INHBB: variants seen among roughly 807,000 people sequenced by gnomAD.
The protein encoded by INHBB is inhibin beta B chain.
Under a neutral mutation model 28.9 loss-of-function variants are expected in INHBB, and 8 were observed. That is an observed-to-expected ratio of 0.28 (90% CI 0.16 to 0.50). The LOEUF (loss-of-function observed/expected upper bound fraction) is 0.50, where lower values mean the gene tolerates loss of function less well. INHBB is among the 20% of genes least tolerant of loss of function. The probability of loss-of-function intolerance (pLI) is 0.98; values close to 1 mark genes in which losing one functional copy is unlikely to be tolerated. For synonymous variants in INHBB, 293 were observed against 262.7 expected (o/e 1.12, Z -1.12); for missense variants, 499 against 597.8 (o/e 0.83, Z 1.72).
rs946997554 is a variant in INHBB, at chr2:120,350,740, A to C, written c.*866A>C. 6.6e-6 allele frequency: 1 copy of C among 152,272 alleles called. No individual in the cohort carries two copies. The highest frequency in any genetic ancestry group is 2.4e-5 in the African/African-American group (1 of 41,468). The allele number at this position is 152,272 out of a possible 1,614,324, so 9.4% of individuals were successfully genotyped here. On this transcript the variant is annotated 3_prime_UTR_variant, in exon 2 of 2. Transcript: ENST00000295228. ...CTTTTCTACCAGGTATGACCTTTTA[A>C]GTGAAAATCTGAATTGTTCTAAATG...
chr2:120,346,562 A>C lies in INHBB; in HGVS notation c.374A>C (p.His125Pro). The change falls in exon 1 of 2, where the codon CAC becomes CCC. Residue 125 changes from histidine to proline, a missense_variant. By Grantham distance (77) the His-to-Pro change is moderately conservative (BLOSUM62 -2). Coordinates refer to ENST00000295228, the MANE Select transcript of INHBB (RefSeq NM_002193.4). ...VREDGRVEIP[H>P]LDGHASPGAD... ...GAGGACGGCCGCGTGGAGATCCCGC[A>C]CCTCGACGGCCACGCCAGCCCGGGC... The C allele has an allele frequency of 6.7e-7, 1 of 1,495,048 alleles. No homozygotes were observed. The highest frequency in any genetic ancestry group is 8.9e-7 in the Non-Finnish European group (1 of 1,129,202). 92.6% of individuals were successfully genotyped at this position (1,495,048 alleles called of 1,614,324 possible).
rs1320228623 is a variant in INHBB at position 120,350,552 on chromosome 2, A to G, written c.*678A>G. ...CGTCAGAGACCTGGGAGCAGGGGCA[A>G]TGACCGTTTGACTGTTTGTGGCTTG... is the stretch of plus-strand genomic sequence containing the variant. On this transcript the variant is annotated 3_prime_UTR_variant, in exon 2 of 2. Transcript: ENST00000295228. 7.0e-6 allele frequency: 1 copy of G among 142,732 alleles called. No homozygotes were observed. Among genetic ancestry groups the G allele is most frequent in the African/African-American group, 2.5e-5 (1 of 39,408 alleles). The allele number at this position is 142,732 out of a possible 1,614,324, so 8.8% of individuals were successfully genotyped here.
Position 120,346,567 on chromosome 2 carries a change from G to A in INHBB, c.379G>A (p.Asp127Asn). The A allele has an allele frequency of 2.0e-6, 3 of 1,489,640 alleles. No homozygotes were observed. The highest frequency in any genetic ancestry group is 2.7e-6 in the Non-Finnish European group (3 of 1,126,614). 92.3% of individuals were successfully genotyped at this position (1,489,640 alleles called of 1,614,324 possible). Residue 127 changes from aspartate (D) to asparagine (N), a missense_variant, in exon 1 of 2, where the codon GAC (aspartate) becomes AAC (asparagine). Physicochemically the swap from Asp to Asn is conservative, Grantham distance 23 (BLOSUM62 1). Coordinates refer to ENST00000295228, the MANE Select transcript of INHBB (RefSeq NM_002193.4). Reference protein sequence around the residue: ...EDGRVEIPHLDGHASPGADGQ... With the variant: ...EDGRVEIPHLNGHASPGADGQ... Reference sequence around the variant, plus strand: ...CGGCCGCGTGGAGATCCCGCACCTCGACGGCCACGCCAGCCCGGGCGCCGA... The same window carrying A: ...CGGCCGCGTGGAGATCCCGCACCTCAACGGCCACGCCAGCCCGGGCGCCGA...
chr2:120,346,234 C>T lies in INHBB; in HGVS notation c.46C>T (p.Leu16=). 4 of 1,223,610 alleles carry T rather than the reference C, an allele frequency of 3.3e-6. No homozygotes were observed. The highest frequency in any genetic ancestry group is 4.1e-6 in the Non-Finnish European group (4 of 982,694). 75.8% of individuals were successfully genotyped at this position (1,223,610 alleles called of 1,614,324 possible). A position where few individuals can be genotyped will look rare whatever the true frequency, so the allele number is the denominator to read the frequency against. Reference sequence around the variant, plus strand: ...GGCGCTGGGGGCCGCCTGCCTTCTGCTGCTGGCGGCCGGCTGGCTGGGGCC... The same window carrying T: ...GGCGCTGGGGGCCGCCTGCCTTCTGTTGCTGGCGGCCGGCTGGCTGGGGCC... The part of the protein sequence containing the change: ...GRALGAACLL[L]LAAGWLGPEA... Residue 16 remains leucine, a synonymous_variant, in exon 1 of 2, where the codon CTG becomes TTG. Coordinates refer to ENST00000295228, the MANE Select transcript of INHBB (RefSeq NM_002193.4).
rs1691234195 is a variant in INHBB at position 120,350,123 on chromosome 2, C to T, written c.*249C>T. The T allele has an allele frequency of 8.0e-6, 4 of 497,328 alleles. No individual in the cohort carries two copies. Among genetic ancestry groups the T allele is most frequent in the Admixed American group, 3.7e-5 (1 of 27,022 alleles). The allele number at this position is 497,328 out of a possible 1,614,324, so 30.8% of individuals were successfully genotyped here. ...GCACACGTAGCCACGCACAGCCAGACGCATCCTGCCACCCACACAGCAGCC... is the reference window on the plus strand; with the variant it reads ...GCACACGTAGCCACGCACAGCCAGATGCATCCTGCCACCCACACAGCAGCC... On this transcript the variant is annotated 3_prime_UTR_variant, in exon 2 of 2. Coordinates refer to ENST00000295228, the MANE Select transcript of INHBB (RefSeq NM_002193.4).
chr2:120,349,166 T>A lies in INHBB; in HGVS notation c.516T>A (p.Phe172Leu), dbSNP rs764607634. 1 of 1,614,080 alleles carries A rather than the reference T, an allele frequency of 6.2e-7. No homozygotes were observed. The highest frequency in any genetic ancestry group is 1.1e-5 in the South Asian group (1 of 91,080). The stretch of plus-strand genomic sequence containing the variant: ...CCAACGAAGGCAACCAGAACCTGTT[T>A]GTGGTCCAGGCCAGCCTGTGGCTTT... Reference protein sequence around the residue: ...FISNEGNQNLFVVQASLWLYL... With the variant: ...FISNEGNQNLLVVQASLWLYL... The change falls in exon 2 of 2, where the codon TTT becomes TTA. Residue 172 changes from phenylalanine (F) to leucine (L), a missense_variant. Physicochemically the swap from Phe to Leu is conservative, Grantham distance 22 (BLOSUM62 0). Transcript: ENST00000295228. The surrounding 1 kb of genome is among the most constrained non-coding windows in gnomAD (Gnocchi z 5.6).
rs1691215181 is a variant in INHBB at position 120,349,244 on chromosome 2, G to A, written c.594G>A (p.Arg198=). The A allele has an allele frequency of 3.7e-6, 6 of 1,614,188 alleles. No homozygotes were observed. Among genetic ancestry groups the A allele is most frequent in the Non-Finnish European group, 5.1e-6 (6 of 1,180,048 alleles). The change falls in exon 2 of 2, where the codon CGG becomes CGA. Residue 198 remains arginine, a synonymous_variant. Transcript: ENST00000295228. This position sits in a 1 kb window ranked among gnomAD's most constrained non-coding sequence, Gnocchi z 5.6. The stretch of plus-strand genomic sequence containing the variant: ...AGAAGGGCAGCCGGCGGAAGGTGCG[G>A]GTCAAAGTGTACTTCCAGGAGCAGG... ...VLEKGSRRKV[R]VKVYFQEQGH...
chr2:120,347,394 C>G (rs1691176517), intron 1 of INHBB, among the ~76,000 whole-genome samples: 1 of 136,306 alleles, frequency 7.3e-6, no homozygotes, highest in Admixed American at 7.0e-5. Flanking sequence ...TTCTGGAATC[C>G]GCCCCCCCCC....
In INHBB at chr2:120,346,394, G is replaced by C. The variant is rs1450521842; in HGVS notation, c.206G>C (p.Arg69Pro). The change falls in exon 1 of 2, where the codon CGA (arginine) becomes CCA (proline). Residue 69 changes from arginine to proline, a missense_variant. Transcript: ENST00000295228. ...TTCCGGCGGCCAGAGGAGCTCGGCC[G>C]AGTGGACGGCGACTTCCTGGAGGCG... ...GGFRRPEELG[R>P]VDGDFLEAVK... 7 of 1,534,948 alleles carry C rather than the reference G, an allele frequency of 4.6e-6. No individual in the cohort carries two copies. Among genetic ancestry groups the C allele is most frequent in the Middle Eastern group, 2.1e-4 (1 of 4,844 alleles).
rs771745088 is a variant in INHBB at position 120,349,049 on chromosome 2, C to A, written c.449-50C>A. 1 of 1,545,388 alleles carries A rather than the reference C, an allele frequency of 6.5e-7. No homozygotes were observed. The highest frequency in any genetic ancestry group is 2.3e-5 in the East Asian group (1 of 44,220). On this transcript the variant is annotated intron_variant, in intron 1 of 1. Coordinates refer to ENST00000295228, the MANE Select transcript of INHBB (RefSeq NM_002193.4). This position sits in a 1 kb window ranked among gnomAD's most constrained non-coding sequence, Gnocchi z 5.6. ...AGCAGAGAGTGTGTTTCCCCCATTG[C>A]CTTGTGTTCTCCTTGAATTAACTTG... is the stretch of plus-strand genomic sequence containing the variant.
chr2:120,347,150 G>A (rs886639323), intron 1 of INHBB, among the ~76,000 whole-genome samples: 1 of 152,174 alleles, frequency 6.6e-6, no homozygotes, highest in Admixed American at 6.5e-5. Context: ...TTCCATCACC[G>A]GCGGCGTGGG....
rs1691211813 is a variant in INHBB at position 120,349,108 on chromosome 2, C to T, written c.458C>T (p.Ala153Val). The change falls in exon 2 of 2, where the codon GCC becomes GTC. Residue 153 changes from alanine to valine, a missense_variant. By Grantham distance (64) the Ala-to-Val change is moderately conservative. This residue lies in a region of INHBB where 385 missense variants were observed against 415.2 expected (regional missense o/e 0.93). Transcript: ENST00000295228. This position sits in a 1 kb window ranked among gnomAD's most constrained non-coding sequence, Gnocchi z 5.6. ...IISFAETDGL[A>V]SSRVRLYFFI... ...TTCCCCTTTTCCGCAGATGGCCTCGCCTCCTCCCGGGTCCGCCTATACTTC... is the reference window on the plus strand; with the variant it reads ...TTCCCCTTTTCCGCAGATGGCCTCGTCTCCTCCCGGGTCCGCCTATACTTC... 5.0e-6 allele frequency: 8 copies of T among 1,600,434 alleles called. No homozygotes were observed. The highest frequency in any genetic ancestry group is 2.7e-5 in the African/African-American group (2 of 74,600).
chr2:120,349,127 A>G lies in INHBB; in HGVS notation c.477A>G (p.Leu159=), dbSNP rs1002213607. 3.1e-6 allele frequency: 5 copies of G among 1,611,580 alleles called. No homozygotes were observed. The highest frequency in any genetic ancestry group is 1.3e-5 in the African/African-American group (1 of 74,804). Residue 159 remains leucine (L), a synonymous_variant, in exon 2 of 2, where the codon CTA becomes CTG. Coordinates refer to ENST00000295228, the MANE Select transcript of INHBB (RefSeq NM_002193.4). The surrounding 1 kb of genome is among the most constrained non-coding windows in gnomAD (Gnocchi z 5.6). ...GCCTCGCCTCCTCCCGGGTCCGCCTATACTTCTTCATCTCCAACGAAGGCA... is the reference window on the plus strand; with the variant it reads ...GCCTCGCCTCCTCCCGGGTCCGCCTGTACTTCTTCATCTCCAACGAAGGCA... ...TDGLASSRVR[L]YFFISNEGNQ...
rs1691218449 is a variant in INHBB, at chr2:120,349,359, G to T, written c.709G>T (p.Ala237Ser). The change falls in exon 2 of 2, where the codon GCC (alanine) becomes TCC (serine). Residue 237 changes from alanine to serine, a missense_variant. Transcript: ENST00000295228. This position sits in a 1 kb window ranked among gnomAD's most constrained non-coding sequence, Gnocchi z 5.6. ...HTFPLTEAIQ[A>S]LFERGERRLN... Reference sequence around the variant, plus strand: ...CTTCCCACTCACGGAGGCCATCCAGGCCTTGTTTGAGCGGGGCGAGCGGCG... The same window carrying T: ...CTTCCCACTCACGGAGGCCATCCAGTCCTTGTTTGAGCGGGGCGAGCGGCG... 13 of 1,614,060 alleles carry T rather than the reference G, an allele frequency of 8.1e-6. No individual in the cohort carries two copies. The highest frequency in any genetic ancestry group is 1.1e-5 in the Non-Finnish European group (13 of 1,180,044).
Position 120,351,231 on chromosome 2 carries a change from C to T in INHBB, c.*1357C>T, listed in dbSNP as rs1691252687. 1 of 152,580 alleles carries T rather than the reference C, an allele frequency of 6.6e-6. No homozygotes were observed. Among genetic ancestry groups the T allele is most frequent in the Non-Finnish European group, 1.5e-5 (1 of 68,036 alleles). 9.5% of individuals were successfully genotyped at this position (152,580 alleles called of 1,614,324 possible). On this transcript the variant is annotated 3_prime_UTR_variant, in exon 2 of 2. Transcript: ENST00000295228. ...GAACTATGCAATTTAAAGGGTTGAC[C>T]CACACTAGACGAAACTGGACTCGTA...
At chr2:120,348,656 CAAAAAAAAAA>C (rs5833831) in intron 1 of INHBB, among the ~76,000 whole-genome samples, 1 of 74,458 alleles carries the variant, frequency 1.3e-5, no homozygotes. Context: ...CTAAGTTAAC[CAAAAAAAAAA>C]AAAAAAAAAA....
rs1403577934 is a variant in INHBB at position 120,346,174 on chromosome 2, C to A, written c.-15C>A. The A allele has an allele frequency of 2.9e-5, 33 of 1,156,272 alleles. No homozygotes were observed. Among genetic ancestry groups the A allele is most frequent in the South Asian group, 4.3e-5 (1 of 23,272 alleles). The allele number at this position is 1,156,272 out of a possible 1,614,324, so 71.6% of individuals were successfully genotyped here. ...CTCGCCTCGCGGCGGGCGCCCTCGT[C>A]GCCAGCGGCGCACCATGGACGGGCT... On this transcript the variant is annotated 5_prime_UTR_variant, in exon 1 of 2. Coordinates refer to ENST00000295228, the MANE Select transcript of INHBB (RefSeq NM_002193.4).
At chr2:120,348,485 AGG>A (rs1316452662) in intron 1 of INHBB, among the ~76,000 whole-genome samples, 6 of 152,118 alleles carry the variant, frequency 3.9e-5, no homozygotes, top group South Asian at 2.1e-4. Flanking sequence ...CTATTCTATA[AGG>A]GCTAGGCTCT....
intron 1 of INHBB, 150 bp downstream of exon 1, chr2:120,346,786 G>A: frequency 1.3e-6 from 1 of 792,698 alleles, no homozygotes; most frequent in Non-Finnish European, 1.8e-6. Flanking sequence ...CCGTGGCCCT[G>A]CGCGCTCCGC....
Sources: gnomAD v4.1 joint callset for allele counts (sites outside exome capture counted in the v4.1 genomes callset) on GRCh38, gnomAD v4.1.1 for gene constraint, gnomAD v4.1.1 regional missense constraint, Gnocchi (gnomAD v3.1) non-coding constraint, MANE v1.5 for transcripts, NCBI Gene and HGNC (gene_info 2026-07-23, HGNC 2026-07-21) for gene names.